The following R3HDM2 variants were observed in gnomAD, a reference collection of about 807,000 sequenced individuals.
The protein encoded by R3HDM2 is R3H domain containing 2.
In R3HDM2, 38 loss-of-function variants were observed where a neutral mutation model predicts 124.5. That is an observed-to-expected ratio of 0.31 (90% CI 0.24 to 0.40). R3HDM2 has a LOEUF of 0.40. Among genes scored for constraint, R3HDM2 ranks in the 10% least tolerant of loss-of-function variants. The pLI is 1.00. For missense variants in R3HDM2, 869 were observed against 1,236.9 expected (o/e 0.70, Z 4.46); for synonymous variants, 391 against 448.0 (o/e 0.87, Z 1.61).
At chr12:57,350,997 G>A (rs961684684) in intron 2 of R3HDM2, among the ~76,000 whole-genome samples, 2 of 152,194 alleles carry the variant, frequency 1.3e-5, no homozygotes. Flanking sequence ...TACTCAGGAG[G>A]CTGAGGCAAA....
At chr12:57,395,002 G>T (rs2067274319) in intron 2 of R3HDM2, among the ~76,000 whole-genome samples, 2 of 152,018 alleles carry the variant, frequency 1.3e-5, no homozygotes, top group Non-Finnish European at 2.9e-5. Context: ...AAGGTCAGGA[G>T]TTCAAGACCA....
intron 2 of R3HDM2, among the ~76,000 whole-genome samples, chr12:57,322,084 C>T (rs760615871): frequency 6.6e-5 from 10 of 152,156 alleles, no homozygotes; most frequent in East Asian, 1.9e-4. Context: ...AAAAATTAGC[C>T]GAGTGTGGTG....
Position 57,296,347 on chromosome 12 carries a change from T to C in R3HDM2, c.701+64A>G. On this transcript the variant is annotated intron_variant, in intron 9 of 23. Coordinates refer to ENST00000402412, the MANE Select transcript of R3HDM2 (RefSeq NM_001394031.1). The surrounding 1 kb of genome is among the most constrained non-coding windows in gnomAD (Gnocchi z 4.5). ...GCAAGAGACATCCTGATCCTACACC[T>C]TCCTCTTCCAACCCAGCAGGTTATC... 1 of 1,526,264 alleles carries C rather than the reference T, an allele frequency of 6.6e-7. No individual in the cohort carries two copies. Among genetic ancestry groups the C allele is most frequent in the Non-Finnish European group, 8.9e-7 (1 of 1,125,308 alleles). The allele number at this position is 1,526,264 out of a possible 1,614,324, so 94.5% of individuals were successfully genotyped here. A position where few individuals can be genotyped will look rare whatever the true frequency, so the allele number is the denominator to read the frequency against.
intron 2 of R3HDM2, among the ~76,000 whole-genome samples, chr12:57,335,207 C>T (rs2058700343): frequency 6.6e-6 from 1 of 151,376 alleles, no homozygotes; most frequent in Non-Finnish European, 1.5e-5. Context: ...TGTCAATCTC[C>T]CATACTTTTT....
At chr12:57,360,226 C>T (rs1421177207) in intron 2 of R3HDM2, among the ~76,000 whole-genome samples, 1 of 150,986 alleles carries the variant, frequency 6.6e-6, no homozygotes, top group African/African-American at 2.4e-5. Flanking sequence ...CAGGGTTTCA[C>T]CATGTTGGCT....
chr12:57,404,492 T>A (rs925420944), intron 1 of R3HDM2, among the ~76,000 whole-genome samples: 2 of 151,476 alleles, frequency 1.3e-5, no homozygotes, highest in Non-Finnish European at 2.9e-5. Context: ...GGTCAAGAGA[T>A]CGAGACCATC....
At chr12:57,423,200 T>A (rs934409327) in intron 1 of R3HDM2, among the ~76,000 whole-genome samples, 2 of 151,072 alleles carry the variant, frequency 1.3e-5, no homozygotes, top group Non-Finnish European at 2.9e-5. Context: ...GGCAGGTGGA[T>A]CACCTAAGGT....
chr12:57,373,961 C>G (rs1411425913), intron 2 of R3HDM2, among the ~76,000 whole-genome samples: 1 of 151,720 alleles, frequency 6.6e-6, no homozygotes, highest in African/African-American at 2.4e-5. Flanking sequence ...AACCCCGCCT[C>G]TACTAAAAAC....
chr12:57,334,224 T>C (rs567116578), intron 2 of R3HDM2, among the ~76,000 whole-genome samples: 4 of 152,184 alleles, frequency 2.6e-5, no homozygotes, highest in African/African-American at 9.6e-5. Context: ...ATTAAGAATA[T>C]GCAATTATCA....
intron 2 of R3HDM2, among the ~76,000 whole-genome samples, chr12:57,367,455 A>G (rs1316248847): frequency 1.3e-5 from 2 of 152,122 alleles, no homozygotes; most frequent in African/African-American, 4.8e-5. Flanking sequence ...AAATTTCCAG[A>G]GCTCTCTTTT....
chr12:57,305,268 A>G (rs946389010), intron 3 of R3HDM2, among the ~76,000 whole-genome samples: 3 of 151,974 alleles, frequency 2.0e-5, no homozygotes, highest in Admixed American at 6.6e-5. Context: ...GTATCATTCT[A>G]TAGAAGATCT....
intron 21 of R3HDM2, 117 bp from the exon 22 acceptor site, chr12:57,256,628 T>G: frequency 1.4e-6 from 1 of 712,870 alleles, no homozygotes; most frequent in Non-Finnish European, 2.3e-6. Flanking sequence ...TTTTCTATGA[T>G]GGAAATGCCC....
rs536146038 is a variant in R3HDM2, at chr12:57,310,029, T to C, written c.165+235A>G. Among the ~76,000 whole-genome samples, 22 of 152,300 alleles carry C rather than the reference T, an allele frequency of 1.4e-4. No homozygotes were observed. In the South Asian group the frequency reaches 2.5e-3, roughly 17 times the overall value. ...GAGTTTGAGACCAGCCTGGGCAACATAGACCCTGTCTCTACAAAAAAATTT... is the reference window on the plus strand; with the variant it reads ...GAGTTTGAGACCAGCCTGGGCAACACAGACCCTGTCTCTACAAAAAAATTT... On this transcript the variant is annotated intron_variant, in intron 3 of 23. Transcript: ENST00000402412.
chr12:57,322,290 C>T (rs1033961946), intron 2 of R3HDM2, among the ~76,000 whole-genome samples: 23 of 152,156 alleles, frequency 1.5e-4, no homozygotes, highest in African/African-American at 5.6e-4. Flanking sequence ...TATTTAACTA[C>T]ACCAAAACAA....
chr12:57,333,564 C>T (rs1340198929), intron 2 of R3HDM2, among the ~76,000 whole-genome samples: 7 of 151,726 alleles, frequency 4.6e-5, no homozygotes, highest in African/African-American at 2.4e-5. Context: ...TGGTGGCAGG[C>T]GCCTGTAATC....
intron 2 of R3HDM2, among the ~76,000 whole-genome samples, chr12:57,359,825 T>A (rs899386088): frequency 6.6e-6 from 1 of 151,808 alleles, no homozygotes; most frequent in Non-Finnish European, 1.5e-5. Context: ...TAGCTACACC[T>A]CTTTGCTTTT....
chr12:57,288,474 C>A lies in R3HDM2; in HGVS notation c.938+535G>T, dbSNP rs150668584. Among the ~76,000 whole-genome samples the A allele has an allele frequency of 1.3e-3, 193 of 151,746 alleles. 2 individuals carry two copies. The highest frequency in any genetic ancestry group is 4.4e-3 in the African/African-American group (183 of 41,346). On this transcript the variant is annotated intron_variant, in intron 12 of 23. Transcript: ENST00000402412. The stretch of plus-strand genomic sequence containing the variant: ...TCCTATGCTGGGTCAGGAATAATGT[C>A]TACACATCTTTTCCATAGATTCAGA...
In R3HDM2 at chr12:57,421,996, G is replaced by A. The variant is rs573987684; in HGVS notation, c.-106+8724C>T. Reference sequence around the variant, plus strand: ...CTGTAATCCCAGCTACTCAGGATGAGGCAGGAGAATCGCTTGAACCCGGGA... The same window carrying A: ...CTGTAATCCCAGCTACTCAGGATGAAGCAGGAGAATCGCTTGAACCCGGGA... On this transcript the variant is annotated intron_variant, in intron 1 of 23. Transcript: ENST00000402412. 4.0e-5 allele frequency among the ~76,000 whole-genome samples: 6 copies of A among 151,610 alleles called. No individual in the cohort carries two copies. In the South Asian group the frequency reaches 1.3e-3, roughly 32 times the overall value.
chr12:57,368,129 G>A (rs1206474404), intron 2 of R3HDM2, among the ~76,000 whole-genome samples: 3 of 151,308 alleles, frequency 2.0e-5, no homozygotes, highest in Non-Finnish European at 4.4e-5. Flanking sequence ...CCAGGGTTGA[G>A]GTATATTCCA....
Sources: allele counts gnomAD v4.1 joint callset (sites outside exome capture counted in the v4.1 genomes callset), GRCh38; gene constraint gnomAD v4.1.1; non-coding constraint Gnocchi (gnomAD v3.1); transcripts MANE v1.5; gene names NCBI Gene and HGNC (gene_info 2026-07-23, HGNC 2026-07-21).